ARID4B: variants seen among roughly 807,000 people sequenced by gnomAD.
The protein encoded by ARID4B is AT-rich interactive domain-containing protein 4B.
Under a neutral mutation model 147.5 loss-of-function variants are expected in ARID4B, and 26 were observed. That is an observed-to-expected ratio of 0.18 (90% CI 0.13 to 0.24). ARID4B has a LOEUF of 0.24. ARID4B is among the 10% of genes least tolerant of loss of function. The pLI, the probability that ARID4B is intolerant of heterozygous loss-of-function variation, is 1.00. For synonymous variants in ARID4B, 512 were observed against 507.9 expected (o/e 1.01, Z -0.11); for missense variants, 1,179 against 1,511.5 (o/e 0.78, Z 3.65).
intron 20 of ARID4B, chr1:235,181,163 A>G (rs1458035385): frequency 6.2e-5 from 65 of 1,041,602 alleles, no homozygotes; most frequent in Non-Finnish European, 7.2e-5. Context: ...TACATACAGT[A>G]TTTGGTTAAG....
intron 2 of ARID4B, among the ~76,000 whole-genome samples, chr1:235,291,128 G>A (rs1176994165): frequency 1.3e-5 from 2 of 152,142 alleles, no homozygotes; most frequent in African/African-American, 4.8e-5. Flanking sequence ...CAGGCGTGGT[G>A]GCTCACGCCT....
chr1:235,301,161 T>C (rs1374210854), intron 2 of ARID4B, among the ~76,000 whole-genome samples: 1 of 151,218 alleles, frequency 6.6e-6, no homozygotes, highest in African/African-American at 2.4e-5. Context: ...GTTGGGATTA[T>C]AGGCGTGAGC....
At chr1:235,175,076 C>G in intron 22 of ARID4B, 108 bp downstream of exon 22, 1 of 1,005,608 alleles carries the variant, frequency 9.9e-7, no homozygotes, top group Non-Finnish European at 1.5e-6. Flanking sequence ...CACCGCACTC[C>G]AGCCTGGTGA....
Position 235,216,818 on chromosome 1 carries a change from T to C in ARID4B, c.1584-2792A>G, listed in dbSNP as rs79786150. On this transcript the variant is annotated intron_variant, in intron 16 of 23. Coordinates refer to ENST00000264183, the MANE Select transcript of ARID4B (RefSeq NM_016374.6). ...AACAATTTTTTTTTGAAAGAATACT[T>C]GCCTAAGTCATAAGACTCTATCTTT... Among the ~76,000 whole-genome samples, 678 of 152,166 alleles carry C rather than the reference T, an allele frequency of 4.5e-3. 4 individuals carry two copies. The highest frequency in any genetic ancestry group is 0.016 in the African/African-American group (649 of 41,518).
At chr1:235,194,832 A>C (rs576980029) in intron 18 of ARID4B, among the ~76,000 whole-genome samples, 1 of 152,248 alleles carries the variant, frequency 6.6e-6, no homozygotes, top group South Asian at 2.1e-4. Context: ...AAAAACAAGA[A>C]AAAAAAGAAA....
At chr1:235,198,106 ATTT>A (rs1185820207) in intron 17 of ARID4B, among the ~76,000 whole-genome samples, 1 of 152,172 alleles carries the variant, frequency 6.6e-6, no homozygotes, top group Non-Finnish European at 1.5e-5. Context: ...AAGCTTTCTA[ATTT>A]TTTATGAGAG....
chr1:235,314,240 T>C (rs78023083), intron 2 of ARID4B, among the ~76,000 whole-genome samples: 1 of 152,020 alleles, frequency 6.6e-6, no homozygotes, highest in South Asian at 2.1e-4. Context: ...TATCAGCTTA[T>C]TTAAAAAAAA....
intron 5 of ARID4B, among the ~76,000 whole-genome samples, chr1:235,255,220 T>TATATATATATATAGAGAGAG (rs1264196304): frequency 4.8e-5 from 3 of 62,350 alleles, no homozygotes; most frequent in Admixed American, 1.8e-4. Flanking sequence ...TGCTGGGAGC[T>TATATATATATATAGAGAGAG]AGATAGATAG....
At chr1:235,299,996 T>TA (rs1283541673) in intron 2 of ARID4B, among the ~76,000 whole-genome samples, 1 of 152,202 alleles carries the variant, frequency 6.6e-6, no homozygotes, top group Non-Finnish European at 1.5e-5. Flanking sequence ...ACTGTCCCTC[T>TA]ACCCACATGT....
intron 21 of ARID4B, among the ~76,000 whole-genome samples, chr1:235,177,134 T>C (rs933430045): frequency 6.6e-6 from 1 of 152,230 alleles, no homozygotes; most frequent in Admixed American, 6.5e-5. Context: ...GTTGGAATTA[T>C]AGTTCTAAAG....
At position 235,259,500 on chromosome 1, in the gene ARID4B, A is replaced by G. The variant is rs184905405; in HGVS notation, c.117+1142T>C. Among the ~76,000 whole-genome samples the G allele has an allele frequency of 5.3e-5, 8 of 152,380 alleles. No homozygotes were observed. In the East Asian group the frequency reaches 1.5e-3, roughly 29 times the overall value. ...GTGCTACCAGTAGTCCTGAAAAAGT[A>G]CAAACATTGATAAAAGGCTTTCTCT... On this transcript the variant is annotated intron_variant, in intron 3 of 23. Coordinates refer to ENST00000264183, the MANE Select transcript of ARID4B (RefSeq NM_016374.6).
intron 2 of ARID4B, among the ~76,000 whole-genome samples, chr1:235,277,432 G>A (rs936846422): frequency 4.6e-5 from 7 of 151,726 alleles, no homozygotes; most frequent in Non-Finnish European, 8.8e-5. Context: ...CCAGCTACTC[G>A]GGAGGCTGAG....
At chr1:235,240,625 A>G in intron 7 of ARID4B, 174 bp from the exon 8 acceptor site, 1 of 637,100 alleles carries the variant, frequency 1.6e-6, no homozygotes, top group Non-Finnish European at 2.7e-6. Context: ...AGAGTTTATC[A>G]TGAGAGGAAA....
intron 2 of ARID4B, among the ~76,000 whole-genome samples, chr1:235,265,091 G>A (rs1012211011): frequency 4.6e-5 from 7 of 150,980 alleles, no homozygotes; most frequent in African/African-American, 7.3e-5. Flanking sequence ...GGCTGGGCAC[G>A]GTGGCTCATG....
At chr1:235,218,728 C>T (rs919558699) in intron 16 of ARID4B, among the ~76,000 whole-genome samples, 4 of 152,062 alleles carry the variant, frequency 2.6e-5, no homozygotes, top group African/African-American at 9.7e-5. Context: ...AGGCATACTT[C>T]AAATATATAT....
intron 2 of ARID4B, among the ~76,000 whole-genome samples, chr1:235,302,181 C>CAAAAAAAAAAAAAAAAAAAAAGA (rs1364335066): frequency 5.2e-5 from 2 of 38,122 alleles, no homozygotes; most frequent in African/African-American, 1.1e-4. Context: ...AAAAAAACAG[C>CAAAAAAAAAAAAAAAAAAAAAGA]AAAAAAAAAC....
rs983241709 is a variant in ARID4B at position 235,287,875 on chromosome 1, C to G, written c.7-27123G>C. ...TCCCTCGGGGACATAACTACTGTCT[C>G]CTTATTTAGGGTATTTTTCCAGTCT... On this transcript the variant is annotated intron_variant, in intron 2 of 23. Transcript: ENST00000264183. Among the ~76,000 whole-genome samples the G allele has an allele frequency of 4.6e-5, 7 of 152,216 alleles. No homozygotes were observed. In the South Asian group the frequency reaches 1.4e-3, roughly 32 times the overall value.
intron 2 of ARID4B, among the ~76,000 whole-genome samples, chr1:235,279,055 CA>C (rs912177241): frequency 8.6e-5 from 13 of 152,012 alleles, no homozygotes; most frequent in Admixed American, 7.2e-4. Flanking sequence ...GGGATTACAG[CA>C]AAGTGCATAC....
chr1:235,310,339 A>C (rs914638695), intron 2 of ARID4B, among the ~76,000 whole-genome samples: 5 of 152,218 alleles, frequency 3.3e-5, no homozygotes, highest in Non-Finnish European at 7.3e-5. Context: ...ACTAAATGGC[A>C]ACAACTTTAT....
Sources: allele counts gnomAD v4.1 joint callset (sites outside exome capture counted in the v4.1 genomes callset), GRCh38; gene constraint gnomAD v4.1.1; transcripts MANE v1.5; gene names NCBI Gene and HGNC (gene_info 2026-07-23, HGNC 2026-07-21).